Variants in MCTP1 observed in about 807,000 individuals in gnomAD.
MCTP1 encodes the protein multiple C2 and transmembrane domain-containing protein 1.
In MCTP1, 69 loss-of-function variants were observed where a neutral mutation model predicts 120.6. The observed-to-expected ratio is 0.57, with a 90% CI of 0.47 to 0.70. MCTP1 has a LOEUF of 0.70. Ranked by LOEUF, MCTP1 falls within the 30% of genes least tolerant of loss-of-function variation. MCTP1 has a pLI of 0.00. For missense variants in MCTP1, 1,203 were observed against 1,248.8 expected, an observed-to-expected ratio of 0.96 and a Z score of 0.55; for synonymous variants, 529 against 493.1, an observed-to-expected ratio of 1.07 and a Z score of -0.96.
chr5:95,249,269 AAAGGGCT>A (rs1362517333), intron 1 of MCTP1, among the ~76,000 whole-genome samples: 4 of 152,222 alleles, frequency 2.6e-5, no homozygotes, highest in Non-Finnish European at 4.4e-5. Flanking sequence ...CCCATCTGAC[AAAGGGCT>A]AATATTCAGA....
At chr5:95,271,872 A>T (rs111236564) in intron 1 of MCTP1, among the ~76,000 whole-genome samples, 47 of 152,310 alleles carry the variant, frequency 3.1e-4, no homozygotes, top group African/African-American at 1.0e-3. Context: ...AACACATACC[A>T]TAGTGGTTTA....
At chr5:94,926,228 T>C (rs1212384559) in intron 6 of MCTP1, among the ~76,000 whole-genome samples, 5 of 152,166 alleles carry the variant, frequency 3.3e-5, no homozygotes, top group African/African-American at 7.2e-5. Context: ...ACACATACTA[T>C]TACAAACTCA....
chr5:94,911,368 C>G (rs913304318), intron 9 of MCTP1, among the ~76,000 whole-genome samples: 3 of 152,170 alleles, frequency 2.0e-5, no homozygotes, highest in African/African-American at 7.2e-5. Flanking sequence ...ACCGAAATCT[C>G]ATGTCATATT....
chr5:94,781,359 T>C (rs547819793), intron 18 of MCTP1, among the ~76,000 whole-genome samples: 15 of 152,200 alleles, frequency 9.9e-5, no homozygotes, highest in African/African-American at 3.6e-4. Context: ...AGGTACATAA[T>C]AGGTGTTCAA....
At chr5:94,796,974 G>T (rs1021546358) in intron 18 of MCTP1, among the ~76,000 whole-genome samples, 1 of 152,018 alleles carries the variant, frequency 6.6e-6, no homozygotes, top group African/African-American at 2.4e-5. Context: ...ACAGTGGGTT[G>T]TGCTGGGGAA....
chr5:95,040,867 G>T (rs1842225361), intron 1 of MCTP1, among the ~76,000 whole-genome samples: 1 of 152,162 alleles, frequency 6.6e-6, no homozygotes, highest in South Asian at 2.1e-4. Context: ...GTGAGAATGA[G>T]AAAACATGTA....
chr5:94,891,762 A>T (rs1802672663), intron 11 of MCTP1, among the ~76,000 whole-genome samples: 1 of 149,498 alleles, frequency 6.7e-6, no homozygotes, highest in South Asian at 2.1e-4. Flanking sequence ...AAATAAATAA[A>T]TAAATAAATA....
intron 2 of MCTP1, among the ~76,000 whole-genome samples, chr5:94,960,100 C>T (rs1392502044): frequency 1.3e-5 from 2 of 152,112 alleles, no homozygotes; most frequent in Admixed American, 1.3e-4. Context: ...GAACAGAGGC[C>T]TCAGAAATAA....
chr5:95,056,105 G>A (rs954947975), intron 1 of MCTP1, among the ~76,000 whole-genome samples: 8 of 152,162 alleles, frequency 5.3e-5, no homozygotes, highest in African/African-American at 1.4e-4. Context: ...CAAAAGAGTA[G>A]AAGCAAATTA....
intron 11 of MCTP1, 50 bp from the exon 12 acceptor site, chr5:94,889,022 T>TA: frequency 8.2e-7 from 1 of 1,220,154 alleles, no homozygotes; most frequent in South Asian, 1.2e-5. Context: ...CAAGGAGTCT[T>TA]AAAGAGTGTG....
intron 1 of MCTP1, among the ~76,000 whole-genome samples, chr5:95,159,450 G>A (rs1745479521): frequency 6.6e-6 from 1 of 152,094 alleles, no homozygotes; most frequent in South Asian, 2.1e-4. Context: ...TATGTATACA[G>A]CTCACCAGCA....
At chr5:95,050,551 C>T (rs1745626833) in intron 1 of MCTP1, among the ~76,000 whole-genome samples, 1 of 152,198 alleles carries the variant, frequency 6.6e-6, no homozygotes, top group African/African-American at 2.4e-5. Context: ...GTAGCAGCAG[C>T]CTGGGTGTAT....
intron 1 of MCTP1, among the ~76,000 whole-genome samples, chr5:95,227,099 GATTT>G (rs1351919877): frequency 1.3e-5 from 2 of 152,022 alleles, no homozygotes; most frequent in African/African-American, 2.4e-5. Context: ...GGCAGAATTT[GATTT>G]ATTTATTTAG....
chr5:95,267,414 G>A (rs1378672687), intron 1 of MCTP1, among the ~76,000 whole-genome samples: 7 of 152,094 alleles, frequency 4.6e-5, no homozygotes. Flanking sequence ...TCTCCCCTGA[G>A]CACTGATAAT....
At chr5:95,066,862 C>A (rs778431794) in intron 1 of MCTP1, among the ~76,000 whole-genome samples, 2 of 152,150 alleles carry the variant, frequency 1.3e-5, no homozygotes, top group African/African-American at 2.4e-5. Flanking sequence ...ACTGTTCCAC[C>A]TCAGATCATC....
intron 19 of MCTP1, among the ~76,000 whole-genome samples, chr5:94,738,830 G>C (rs1240316025): frequency 6.6e-6 from 1 of 152,192 alleles, no homozygotes; most frequent in African/African-American, 2.4e-5. Flanking sequence ...ACCGAGCTCA[G>C]TAAAGAACAC....
intron 1 of MCTP1, among the ~76,000 whole-genome samples, chr5:95,242,518 A>G (rs985061369): frequency 6.6e-6 from 1 of 152,204 alleles, no homozygotes; most frequent in African/African-American, 2.4e-5. Context: ...GTGAATGCAT[A>G]AACAAATTGA....
chr5:95,196,625 T>C (rs1044818384), intron 1 of MCTP1, among the ~76,000 whole-genome samples: 5 of 152,298 alleles, frequency 3.3e-5, no homozygotes, highest in East Asian at 1.9e-4. Flanking sequence ...TATAAGTATA[T>C]GCAGACTAGC....
intron 1 of MCTP1, among the ~76,000 whole-genome samples, chr5:95,149,544 T>C (rs1376406730): frequency 6.6e-6 from 1 of 152,036 alleles, no homozygotes; most frequent in Non-Finnish European, 1.5e-5. Flanking sequence ...GAGTCTGCCA[T>C]ATGGGTGTTT....
Sources: allele counts gnomAD v4.1 joint callset (sites outside exome capture counted in the v4.1 genomes callset), GRCh38; gene constraint gnomAD v4.1.1; transcripts MANE v1.5; gene names NCBI Gene and HGNC (gene_info 2026-07-23, HGNC 2026-07-21).